The following MAPKBP1 variants were observed in gnomAD, a reference collection of about 807,000 sequenced individuals.
MAPKBP1 encodes mitogen-activated protein kinase binding protein 1.
A neutral mutation model predicts 170.5 loss-of-function variants in MAPKBP1; 71 were observed. The ratio of observed to expected loss-of-function variants is 0.42; its 90% CI spans 0.34 to 0.51. MAPKBP1 has a LOEUF of 0.51. Among genes scored for constraint, MAPKBP1 ranks in the 20% least tolerant of loss-of-function variants. The probability of loss-of-function intolerance (pLI) is 0.06; values close to 1 mark genes in which losing one functional copy is unlikely to be tolerated. For synonymous variants in MAPKBP1, 719 were observed against 757.9 expected, an observed-to-expected ratio of 0.95 and a Z score of 0.84; for missense variants, 1,598 against 1,933.0, an observed-to-expected ratio of 0.83 and a Z score of 3.25.
intron 30 of MAPKBP1, 90 bp downstream of exon 30, chr15:41,824,659 C>T (rs2065060272): frequency 7.9e-7 from 1 of 1,265,534 alleles, no homozygotes; most frequent in Non-Finnish European, 1.1e-6. Flanking sequence ...TATGCTAAGC[C>T]TCTTGTGCTG....
At position 41,822,795 on chromosome 15, in the gene MAPKBP1, T is replaced by G. The variant is rs567136748; in HGVS notation, c.3314+118T>G. 9 of 1,469,092 alleles carry G rather than the reference T, an allele frequency of 6.1e-6. No homozygotes were observed. The South Asian group carries it at 1.1e-4, about 18-fold the overall frequency. The allele number at this position is 1,469,092 out of a possible 1,614,324, so 91.0% of individuals were successfully genotyped here. A position where few individuals can be genotyped will look rare whatever the true frequency, so the allele number is the denominator to read the frequency against. On this transcript the variant is annotated intron_variant, in intron 27 of 30. Coordinates refer to ENST00000457542, the MANE Select transcript of MAPKBP1 (RefSeq NM_014994.3). ...GCGCGGGGTGTTTTGCACTCCCAGT[T>G]TTGGGCTAACTGGCCTTTCCCCAGC...
chr15:41,811,923 C>G, intron 5 of MAPKBP1, 34 bp from the exon 6 acceptor site: 1 of 1,611,334 alleles, frequency 6.2e-7, no homozygotes, highest in African/African-American at 1.3e-5. Context: ...GTGGAGAAGT[C>G]AAGAACTCAC....
intron 2 of MAPKBP1, among the ~76,000 whole-genome samples, chr15:41,790,040 A>G (rs569781172): frequency 6.6e-6 from 1 of 152,352 alleles, no homozygotes; most frequent in African/African-American, 2.4e-5. Context: ...TGTAAAATGG[A>G]GATAATACTA....
intron 21 of MAPKBP1, 24 bp from the exon 22 acceptor site, chr15:41,819,571 C>T: frequency 1.3e-6 from 2 of 1,577,906 alleles, no homozygotes; most frequent in South Asian, 2.2e-5. Context: ...GAGACACTTC[C>T]TCTGACTGCC....
intron 3 of MAPKBP1, among the ~76,000 whole-genome samples, chr15:41,800,332 A>G (rs2152074208): frequency 6.6e-6 from 1 of 151,582 alleles, no homozygotes; most frequent in African/African-American, 2.4e-5. Flanking sequence ...AATTTAGGAC[A>G]TTTTCATGAC....
At chr15:41,786,773 AAAAAAT>A (rs1383273465) in intron 2 of MAPKBP1, among the ~76,000 whole-genome samples, 5 of 13,356 alleles carry the variant, frequency 3.7e-4, no homozygotes, top group Non-Finnish European at 8.4e-4. Flanking sequence ...TAAAAAAAAA[AAAAAAT>A]ATATATATAT....
At position 41,817,735 on chromosome 15, in the gene MAPKBP1, G is replaced by A. The variant is rs1185630158; in HGVS notation, c.1904G>A (p.Arg635Gln). The A allele has an allele frequency of 1.2e-6, 2 of 1,612,398 alleles. No homozygotes were observed. The highest frequency in any genetic ancestry group is 1.1e-5 in the South Asian group (1 of 90,860). ...TAIGCQDRNI[R>Q]IFNISSGKQK... is the part of the protein sequence containing the mutation. ...ATCGGCTGCCAGGACCGAAATATTC[G>A]GTGGGCGTCCCCTCCTCAGACTCTG... The change falls in exon 16 of 31, where the codon CGG (arginine) becomes CAG (glutamine). Residue 635 changes from arginine to glutamine, a missense_variant and splice_region_variant. Around this residue, in one of 6 missense-constraint regions of MAPKBP1, gnomAD observed 430 missense variants for 617.2 expected, o/e 0.70. Coordinates refer to ENST00000457542, the MANE Select transcript of MAPKBP1 (RefSeq NM_014994.3). This position sits in a 1 kb window ranked among gnomAD's most constrained non-coding sequence, Gnocchi z 4.2.
Position 41,823,516 on chromosome 15 carries a change from A to G in MAPKBP1, c.3668A>G (p.Asp1223Gly). The G allele has an allele frequency of 6.2e-7, 1 of 1,614,040 alleles. No individual in the cohort carries two copies. Among genetic ancestry groups the G allele is most frequent in the South Asian group, 1.1e-5 (1 of 91,070 alleles). The change falls in exon 29 of 31, where the codon GAT (aspartate) becomes GGT (glycine). Residue 1223 changes from aspartate (D) to glycine (G), a missense_variant. Physicochemically the swap from Asp to Gly is moderately conservative, Grantham distance 94. Around this residue, in one of 6 missense-constraint regions of MAPKBP1, gnomAD observed 942 missense variants for 953.2 expected, o/e 0.99. Transcript: ENST00000457542. Reference sequence around the variant, plus strand: ...CTGTCTCGGGAGATCGAAGCTCAGGATGGTCTGGGCTCCCTGCCCCCAGCT... The same window carrying G: ...CTGTCTCGGGAGATCGAAGCTCAGGGTGGTCTGGGCTCCCTGCCCCCAGCT... ...ALLSREIEAQ[D>G]GLGSLPPADG...
chr15:41,775,472 A>G (rs766081628), intron 2 of MAPKBP1, 83 bp downstream of exon 2: 14 of 1,012,320 alleles, frequency 1.4e-5, no homozygotes, highest in Non-Finnish European at 2.0e-5. Flanking sequence ...TTTCTTGGGA[A>G]AGATAACTAG....
intron 30 of MAPKBP1, among the ~76,000 whole-genome samples, chr15:41,824,817 C>T (rs1434782667): frequency 6.6e-6 from 1 of 152,170 alleles, no homozygotes; most frequent in Non-Finnish European, 1.5e-5. Context: ...GACCACACCT[C>T]CTAGTTGGCT....
Position 41,775,515 on chromosome 15 carries a change from A to G in MAPKBP1, c.114+126A>G, listed in dbSNP as rs1420253309. On this transcript the variant is annotated intron_variant, in intron 2 of 30. Coordinates refer to ENST00000457542, the MANE Select transcript of MAPKBP1 (RefSeq NM_014994.3). ...TGTTGACTCTAAAGGATCACATATG[A>G]TCTCTGCAGGCAATGATTTGGTTTT... 7.1e-6 allele frequency: 5 copies of G among 702,656 alleles called. No individual in the cohort carries two copies. The East Asian group carries it at 1.1e-4, about 15-fold the overall frequency. 43.5% of individuals were successfully genotyped at this position (702,656 alleles called of 1,614,324 possible).
rs74903202 is a variant in MAPKBP1, at chr15:41,780,592, A to G, written c.114+5203A>G. On this transcript the variant is annotated intron_variant, in intron 2 of 30. Coordinates refer to ENST00000457542, the MANE Select transcript of MAPKBP1 (RefSeq NM_014994.3). ...TTATACTTCATGTTCCCACTGCTCC[A>G]GGCTAAGCGTCTCCTCTGGGCTCCA... 1.6e-3 allele frequency among the ~76,000 whole-genome samples: 240 copies of G among 152,340 alleles called. 7 individuals are homozygous for G. The South Asian group carries it at 0.035, about 22-fold the overall frequency.
intron 29 of MAPKBP1, 28 bp downstream of exon 29, chr15:41,824,089 C>T (rs1305595412): frequency 6.4e-7 from 1 of 1,564,960 alleles, no homozygotes; most frequent in East Asian, 2.3e-5. Flanking sequence ...GCTCTCATCT[C>T]CTGCCCCATC....
chr15:41,821,285 C>T (rs1203580484), intron 23 of MAPKBP1: 6 of 621,900 alleles, frequency 9.6e-6, no homozygotes, highest in East Asian at 8.2e-5. Context: ...GCAAAAGTGG[C>T]CTTTGCCCTG....
chr15:41,823,021 G>A lies in MAPKBP1; in HGVS notation c.3397G>A (p.Gly1133Ser). ...VPQASGEQPRGNGANPPGAPP... is the reference protein window; with the variant it reads ...VPQASGEQPRSNGANPPGAPP... ...ACAGGCATCTGGTGAGCAGCCGAGA[G>A]GCAATGGTGCCAATCCCCCTGGAGC... The change falls in exon 28 of 31, where the codon GGC (glycine) becomes AGC (serine). Residue 1133 changes from glycine to serine, a missense_variant. By Grantham distance (56) the Gly-to-Ser change is moderately conservative. Transcript: ENST00000457542. 10 of 1,614,052 alleles carry A rather than the reference G, an allele frequency of 6.2e-6. No homozygotes were observed. The highest frequency in any genetic ancestry group is 7.6e-6 in the Non-Finnish European group (9 of 1,180,008).
At chr15:41,775,842 G>C (rs1354644536) in intron 2 of MAPKBP1, among the ~76,000 whole-genome samples, 1 of 152,230 alleles carries the variant, frequency 6.6e-6, no homozygotes, top group African/African-American at 2.4e-5. Flanking sequence ...AGAGTTACTG[G>C]CTTGGTAATT....
intron 28 of MAPKBP1, 79 bp downstream of exon 28, chr15:41,823,301 T>C: frequency 6.4e-7 from 1 of 1,555,842 alleles, no homozygotes; most frequent in Non-Finnish European, 8.7e-7. Flanking sequence ...GAGGGCCTGG[T>C]GTGGCCCTGA....
chr15:41,800,450 C>T (rs1321791388), intron 3 of MAPKBP1, among the ~76,000 whole-genome samples: 2 of 151,898 alleles, frequency 1.3e-5, no homozygotes, highest in African/African-American at 4.8e-5. Flanking sequence ...TCAAGCAATC[C>T]TCCCACCTCA....
At chr15:41,774,793 G>C (rs2064068325) in intron 1 of MAPKBP1, 183 bp downstream of exon 1, 2 of 399,252 alleles carry the variant, frequency 5.0e-6, no homozygotes, top group African/African-American at 4.1e-5. Context: ...CGTCCCCGCC[G>C]GCGCTAGCGC....
Sources: gnomAD v4.1 joint callset for allele counts (sites outside exome capture counted in the v4.1 genomes callset) on GRCh38, gnomAD v4.1.1 for gene constraint, gnomAD v4.1.1 regional missense constraint, Gnocchi (gnomAD v3.1) non-coding constraint, MANE v1.5 for transcripts, NCBI Gene and HGNC (gene_info 2026-07-23, HGNC 2026-07-21) for gene names.